The following PLEKHO2 variants were observed in gnomAD, a reference collection of about 807,000 sequenced individuals.
The protein encoded by PLEKHO2 is pleckstrin homology domain containing O2.
PLEKHO2 carries 20 observed loss-of-function variants against 32.7 expected under a neutral mutation model. That is an observed-to-expected ratio of 0.61 (90% CI 0.43 to 0.89). The LOEUF is 0.89. Ranked by LOEUF, PLEKHO2 falls within the 40% of genes least tolerant of loss-of-function variation. The pLI is 0.00. For synonymous variants in PLEKHO2, 247 were observed against 246.3 expected (o/e 1.00, Z -0.03); for missense variants, 568 against 621.2 (o/e 0.91, Z 0.91).
chr15:64,857,366 C>T (rs1427941774), intron 3 of PLEKHO2, among the ~76,000 whole-genome samples: 1 of 152,138 alleles, frequency 6.6e-6, no homozygotes, highest in East Asian at 1.9e-4. Flanking sequence ...GACAGGATCT[C>T]ACTCTGTCAC....
At chr15:64,858,884 G>A (rs1010359186) in intron 3 of PLEKHO2, among the ~76,000 whole-genome samples, 50 of 152,154 alleles carry the variant, frequency 3.3e-4, no homozygotes, top group Admixed American at 2.6e-3. Context: ...ACTCTCCATC[G>A]TGTAAAACTA....
chr15:64,856,559 T>C (rs2140342604), intron 3 of PLEKHO2, among the ~76,000 whole-genome samples: 1 of 152,282 alleles, frequency 6.6e-6, no homozygotes, highest in South Asian at 2.1e-4. Context: ...AGAAGCCTGT[T>C]TGTGCAGCTG....
At chr15:64,863,792 G>A (rs563113132) in intron 5 of PLEKHO2, among the ~76,000 whole-genome samples, 4 of 150,280 alleles carry the variant, frequency 2.7e-5, no homozygotes, top group African/African-American at 9.8e-5. Context: ...TGCCCAGGCT[G>A]GAGTGCAATG....
chr15:64,858,161 G>C (rs993655041), intron 3 of PLEKHO2, among the ~76,000 whole-genome samples: 10 of 152,200 alleles, frequency 6.6e-5, no homozygotes, highest in African/African-American at 2.4e-4. Flanking sequence ...AGTTGCCAAG[G>C]TGCCCTGGGG....
intron 3 of PLEKHO2, among the ~76,000 whole-genome samples, chr15:64,855,666 G>A (rs1349722513): frequency 6.8e-6 from 1 of 146,728 alleles, no homozygotes; most frequent in Non-Finnish European, 1.5e-5. Flanking sequence ...TTTCTCTGGC[G>A]GGGAGTCTGG....
chr15:64,860,679 C>T (rs1386322393), intron 4 of PLEKHO2, among the ~76,000 whole-genome samples: 1 of 152,240 alleles, frequency 6.6e-6, no homozygotes, highest in African/African-American at 2.4e-5. Flanking sequence ...CCAGGTTCCC[C>T]GACTCCCAGC....
rs373976778 is a variant in PLEKHO2, at chr15:64,859,900, G to T, written c.286G>T (p.Asp96Tyr). ...LLRSPGNKVS[D>Y]IKFQAPTGEE... The stretch of plus-strand genomic sequence containing the variant: ...CCATCCATCTTGCCCACAGGTCAGC[G>T]ACATCAAATTCCAGGCACCCACCGG... The change falls in exon 4 of 6, where the codon GAC becomes TAC. Residue 96 changes from aspartate to tyrosine, a missense_variant. Physicochemically the swap from Asp to Tyr is radical, Grantham distance 160. Transcript: ENST00000323544. The T allele has an allele frequency of 3.7e-6, 6 of 1,614,060 alleles. No individual in the cohort carries two copies. Among genetic ancestry groups the T allele is most frequent in the Non-Finnish European group, 5.1e-6 (6 of 1,179,944 alleles).
chr15:64,848,026 C>T (rs1208649669), intron 1 of PLEKHO2, among the ~76,000 whole-genome samples: 2 of 152,228 alleles, frequency 1.3e-5, no homozygotes, highest in African/African-American at 4.8e-5. Context: ...TAGCATTTCA[C>T]ACAGGTTGAT....
In PLEKHO2 at chr15:64,867,240, C is replaced by T. The variant is rs1003444448; in HGVS notation, c.*1352C>T. The T allele has an allele frequency of 3.3e-5, 5 of 152,750 alleles. No homozygotes were observed. Among genetic ancestry groups the T allele is most frequent in the African/African-American group, 1.2e-4 (5 of 41,442 alleles). The allele number at this position is 152,750 out of a possible 1,614,324, so 9.5% of individuals were successfully genotyped here. ...GAGAGAAAGGGGGGGGTCACAGCAA[C>T]ATGCCCTGGCCTTTCTGCTCTGTTC... On this transcript the variant is annotated 3_prime_UTR_variant, in exon 6 of 6. Transcript: ENST00000323544.
intron 2 of PLEKHO2, 92 bp downstream of exon 2, chr15:64,848,834 C>G (rs1567095391): frequency 3.3e-6 from 5 of 1,510,482 alleles, no homozygotes; most frequent in Non-Finnish European, 4.5e-6. Context: ...GGTCTGGGGC[C>G]AGAAGACCTG....
At chr15:64,863,518 TTTG>T (rs2084658013) in intron 5 of PLEKHO2, among the ~76,000 whole-genome samples, 4 of 106,060 alleles carry the variant, frequency 3.8e-5, no homozygotes, top group South Asian at 3.8e-4. Flanking sequence ...TGTGTGTGTG[TTTG>T]TGTGTGTGTG....
chr15:64,843,582 C>CT (rs778238354), intron 1 of PLEKHO2, among the ~76,000 whole-genome samples: 2,668 of 141,350 alleles, frequency 0.019, 63 homozygotes, highest in African/African-American at 0.052. Flanking sequence ...ACTTTCTTTT[C>CT]TTTTTTTTTT....
At chr15:64,859,754 T>C in intron 3 of PLEKHO2, 140 bp from the exon 4 acceptor site, 1 of 708,484 alleles carries the variant, frequency 1.4e-6, no homozygotes, top group Non-Finnish European at 2.5e-6. Flanking sequence ...TTCCCTTTCC[T>C]GGCCCAAAGC....
intron 1 of PLEKHO2, among the ~76,000 whole-genome samples, chr15:64,843,169 C>G (rs2084497921): frequency 6.6e-6 from 1 of 152,194 alleles, no homozygotes; most frequent in South Asian, 2.1e-4. Flanking sequence ...GTCAGGGCTC[C>G]CTCTAGGCCA....
In PLEKHO2 at chr15:64,865,900, C is replaced by A; in HGVS notation, c.*12C>A. On this transcript the variant is annotated 3_prime_UTR_variant, in exon 6 of 6. Transcript: ENST00000323544. ...GAAGTGCACCCTAGGGCCTTCTGGG[C>A]CAGAGGCACCATCCCTTCTGGCCAT... 1 of 1,589,220 alleles carries A rather than the reference C, an allele frequency of 6.3e-7. No homozygotes were observed. Among genetic ancestry groups the A allele is most frequent in the Non-Finnish European group, 8.5e-7 (1 of 1,171,420 alleles).
At chr15:64,844,132 C>T (rs1232149568) in intron 1 of PLEKHO2, among the ~76,000 whole-genome samples, 1 of 152,236 alleles carries the variant, frequency 6.6e-6, no homozygotes, top group Non-Finnish European at 1.5e-5. Flanking sequence ...ACATGCTCTG[C>T]CCCATGATCC....
Position 64,865,791 on chromosome 15 carries a change from A to C in PLEKHO2, c.1376A>C (p.Gln459Pro). Residue 459 changes from glutamine (Q) to proline (P), a missense_variant, in exon 6 of 6, where the codon CAG becomes CCG. Physicochemically the swap from Gln to Pro is moderately conservative, Grantham distance 76. Transcript: ENST00000323544. ...EQLRQATQVL[Q>P]EMRDLGELSQ... is the part of the protein sequence containing the mutation. ...CTGAGGCAGGCCACCCAGGTCCTGC[A>C]GGAAATGAGAGATTTGGGAGAGCTG... 1 of 1,614,050 alleles carries C rather than the reference A, an allele frequency of 6.2e-7. No individual in the cohort carries two copies. The highest frequency in any genetic ancestry group is 8.5e-7 in the Non-Finnish European group (1 of 1,180,028).
intron 5 of PLEKHO2, 24 bp from the exon 6 acceptor site, chr15:64,864,875 C>G (rs2084669631): frequency 6.4e-7 from 1 of 1,555,418 alleles, no homozygotes; most frequent in South Asian, 1.2e-5. Flanking sequence ...CAAGATGACA[C>G]CCATATACCA....
chr15:64,853,367 C>T (rs894504418), intron 2 of PLEKHO2, among the ~76,000 whole-genome samples: 1 of 150,524 alleles, frequency 6.6e-6, no homozygotes, highest in African/African-American at 2.4e-5. Flanking sequence ...AGCTCCGCCT[C>T]CTGGGTTCAC....
Sources: allele counts gnomAD v4.1 joint callset (sites outside exome capture counted in the v4.1 genomes callset), GRCh38; gene constraint gnomAD v4.1.1; transcripts MANE v1.5; gene names NCBI Gene and HGNC (gene_info 2026-07-23, HGNC 2026-07-21).